Variants in ZNF587 observed in about 807,000 individuals in gnomAD.
ZNF587 encodes zinc finger protein zfp6.
Under a neutral mutation model 7.5 loss-of-function variants are expected in ZNF587, and 8 were observed. The observed-to-expected ratio is 1.06, with a 90% CI of 0.62 to 1.92. The LOEUF is 1.92. Among genes scored for constraint, ZNF587 ranks in the 40% most tolerant of loss-of-function variants. ZNF587 has a pLI of 0.00. For missense variants in ZNF587, 468 were observed against 692.8 expected (o/e 0.68, Z 3.64); for synonymous variants, 145 against 237.8 (o/e 0.61, Z 3.59).
intron 1 of ZNF587, among the ~76,000 whole-genome samples, chr19:57,853,569 G>A (rs946686949): frequency 6.6e-6 from 1 of 152,042 alleles, no homozygotes; most frequent in Non-Finnish European, 1.5e-5. Context: ...TGATGTTATT[G>A]GGCTTCCTAA....
intron 1 of ZNF587, chr19:57,850,322 C>A (rs1272005294): frequency 3.1e-6 from 2 of 640,700 alleles, no homozygotes; most frequent in Non-Finnish European, 5.4e-6. Flanking sequence ...TCCTGCTGTT[C>A]GGGAGACAGG....
rs566167179 is a variant in ZNF587 at position 57,850,963 on chromosome 19, C to T, written c.33+892C>T. The T allele has an allele frequency of 4.4e-5, 7 of 159,072 alleles. No homozygotes were observed. The East Asian group carries it at 1.2e-3, about 28-fold the overall frequency. 9.9% of individuals were successfully genotyped at this position (159,072 alleles called of 1,614,324 possible). A position where few individuals can be genotyped will look rare whatever the true frequency, so the allele number is the denominator to read the frequency against. ...GGGTGGCTGCGGGTTTCAGGAGGAG[C>T]CAAGATGTTTGATTATGCTCCACTG... is the stretch of plus-strand genomic sequence containing the variant. On this transcript the variant is annotated intron_variant, in intron 1 of 2. Transcript: ENST00000339656.
intron 1 of ZNF587, among the ~76,000 whole-genome samples, chr19:57,853,562 T>A (rs1288295451): frequency 3.9e-5 from 6 of 152,178 alleles, no homozygotes; most frequent in Non-Finnish European, 7.3e-5. Context: ...CCTCAATTGA[T>A]GTTATTGGGC....
Position 57,863,709 on chromosome 19 carries a change from G to T in ZNF587, c.*3569G>T, listed in dbSNP as rs1034124494. 2.0e-5 allele frequency: 3 copies of T among 152,056 alleles called. No homozygotes were observed. Among genetic ancestry groups the T allele is most frequent in the Admixed American group, 2.0e-4 (3 of 15,246 alleles). 9.4% of individuals were successfully genotyped at this position (152,056 alleles called of 1,614,324 possible). On this transcript the variant is annotated 3_prime_UTR_variant, in exon 3 of 3. Coordinates refer to ENST00000339656, the MANE Select transcript of ZNF587 (RefSeq NM_032828.4). ...TAACAAAAGAAAGTTAAGAAATGTG[G>T]ATAAAAGATTGTAAGTTAGAAATGG...
chr19:57,860,233 A>C lies in ZNF587; in HGVS notation c.*93A>C. On this transcript the variant is annotated 3_prime_UTR_variant, in exon 3 of 3. Transcript: ENST00000339656. ...GGAGAAAGGCCTTATGAGTGCTGTC[A>C]ATGTGGAAAACATCAGAATGTCTGC... 2 of 1,602,008 alleles carry C rather than the reference A, an allele frequency of 1.2e-6. No homozygotes were observed. Among genetic ancestry groups the C allele is most frequent in the Non-Finnish European group, 1.7e-6 (2 of 1,172,426 alleles).
Position 57,849,869 on chromosome 19 carries a change from G to C in ZNF587, c.-170G>C, listed in dbSNP as rs1400255155. The C allele has an allele frequency of 1.9e-5, 28 of 1,493,216 alleles. No homozygotes were observed. The highest frequency in any genetic ancestry group is 4.9e-5 in the East Asian group (2 of 41,058). 92.5% of individuals were successfully genotyped at this position (1,493,216 alleles called of 1,614,324 possible). ...ACTTCCGGGGTCTCTAGTAGCGGCTGTGTATCGGCGATGCGGGTGTTTCCC... is the reference window on the plus strand; with the variant it reads ...ACTTCCGGGGTCTCTAGTAGCGGCTCTGTATCGGCGATGCGGGTGTTTCCC... On this transcript the variant is annotated 5_prime_UTR_variant, in exon 1 of 3. Coordinates refer to ENST00000339656, the MANE Select transcript of ZNF587 (RefSeq NM_032828.4).
rs2071352544 is a variant in ZNF587, at chr19:57,856,159, G to A, written c.89G>A (p.Cys30Tyr). Residue 30 changes from cysteine (C) to tyrosine (Y), a missense_variant, in exon 2 of 3, where the codon TGT (cysteine) becomes TAT (tyrosine). Around this residue, in one of 5 missense-constraint regions of ZNF587, gnomAD observed 92 missense variants for 89.7 expected, o/e 1.03. Coordinates refer to ENST00000339656, the MANE Select transcript of ZNF587 (RefSeq NM_032828.4). The stretch of plus-strand genomic sequence containing the variant: ...GTGAACTTTTCCCAGGAGGAGTGGT[G>A]TCTTCTTAGTGAGGCTCAGAGGTGC... The part of the protein sequence containing the change: ...VAVNFSQEEW[C>Y]LLSEAQRCLY... 3 of 1,613,076 alleles carry A rather than the reference G, an allele frequency of 1.9e-6. No individual in the cohort carries two copies. Among genetic ancestry groups the A allele is most frequent in the Non-Finnish European group, 1.7e-6 (2 of 1,179,594 alleles).
At position 57,850,631 on chromosome 19, in the gene ZNF587, C is replaced by G. The variant is rs988679494; in HGVS notation, c.33+560C>G. 3 of 399,800 alleles carry G rather than the reference C, an allele frequency of 7.5e-6. No individual in the cohort carries two copies. In the East Asian group the frequency reaches 1.1e-4, roughly 14 times the overall value. 24.8% of individuals were successfully genotyped at this position (399,800 alleles called of 1,614,324 possible). A position where few individuals can be genotyped will look rare whatever the true frequency, so the allele number is the denominator to read the frequency against. ...GCCCCACACCACCCAGCAGATACCC[C>G]GAGTCCTGCGGAGACAAAGGAGTTA... On this transcript the variant is annotated intron_variant, in intron 1 of 2. Transcript: ENST00000339656.
chr19:57,859,926 C>G lies in ZNF587; in HGVS notation c.1514C>G (p.Ser505Cys). The G allele has an allele frequency of 1.2e-6, 2 of 1,614,068 alleles. No individual in the cohort carries two copies. The highest frequency in any genetic ancestry group is 1.7e-6 in the Non-Finnish European group (2 of 1,180,014). ...TGTGGGAAATCATTTCTTTCCAGCT[C>G]TGCGCTTCATGTTCATAAAAGAGTT... The part of the protein sequence containing the change: ...SECGKSFLSS[S>C]ALHVHKRVHS... Residue 505 changes from serine (S) to cysteine (C), a missense_variant, in exon 3 of 3, where the codon TCT (serine) becomes TGT (cysteine). Physicochemically the swap from Ser to Cys is moderately radical, Grantham distance 112 (BLOSUM62 -1). This residue lies in a region of ZNF587 where 310 missense variants were observed against 325.6 expected (regional missense o/e 0.95). Transcript: ENST00000339656.
chr19:57,855,996 G>C (rs559789454), intron 1 of ZNF587, 108 bp from the exon 2 acceptor site: 1 of 1,545,930 alleles, frequency 6.5e-7, no homozygotes, highest in Non-Finnish European at 8.7e-7. Context: ...TTTCAACTCC[G>C]TGTTGGGGAC....
Position 57,859,556 on chromosome 19 carries a change from T to G in ZNF587, c.1144T>G (p.Cys382Gly), listed in dbSNP as rs2071409239. ...RVHTGERPYKCGECGKSFGQK... is the reference protein window; with the variant it reads ...RVHTGERPYKGGECGKSFGQK... ...TCACACTGGAGAAAGGCCTTACAAG[T>G]GTGGAGAATGTGGGAAATCTTTTGG... The change falls in exon 3 of 3, where the codon TGT becomes GGT. Residue 382 changes from cysteine to glycine, a missense_variant. Transcript: ENST00000339656. 5.6e-6 allele frequency: 9 copies of G among 1,613,826 alleles called. No homozygotes were observed. Among genetic ancestry groups the G allele is most frequent in the Non-Finnish European group, 7.6e-6 (9 of 1,179,982 alleles).
At position 57,860,343 on chromosome 19, in the gene ZNF587, G is replaced by A. The variant is rs577847722; in HGVS notation, c.*203G>A. 579 of 982,626 alleles carry A rather than the reference G, an allele frequency of 5.9e-4. 6 individuals are homozygous for A. In the African/African-American group the frequency reaches 7.2e-3, roughly 12 times the overall value. 60.9% of individuals were successfully genotyped at this position (982,626 alleles called of 1,614,324 possible). A position where few individuals can be genotyped will look rare whatever the true frequency, so the allele number is the denominator to read the frequency against. Reference sequence around the variant, plus strand: ...GAGTGCAGTGGTGCAGTCTTGGCTCGCTGCAACTTGGGCCTCCTGGGTTCA... The same window carrying A: ...GAGTGCAGTGGTGCAGTCTTGGCTCACTGCAACTTGGGCCTCCTGGGTTCA... On this transcript the variant is annotated 3_prime_UTR_variant, in exon 3 of 3. Coordinates refer to ENST00000339656, the MANE Select transcript of ZNF587 (RefSeq NM_032828.4).
chr19:57,856,169 T>C lies in ZNF587; in HGVS notation c.99T>C (p.Ser33=), dbSNP rs766582536. Reference sequence around the variant, plus strand: ...CCCAGGAGGAGTGGTGTCTTCTTAGTGAGGCTCAGAGGTGCTTGTACCGTG... The same window carrying C: ...CCCAGGAGGAGTGGTGTCTTCTTAGCGAGGCTCAGAGGTGCTTGTACCGTG... ...NFSQEEWCLL[S]EAQRCLYRDV... Residue 33 remains serine, a synonymous_variant, in exon 2 of 3, where the codon AGT becomes AGC. Transcript: ENST00000339656. 3.7e-6 allele frequency: 6 copies of C among 1,613,014 alleles called. No individual in the cohort carries two copies. The Admixed American group carries it at 6.7e-5, about 18-fold the overall frequency.
At position 57,858,559 on chromosome 19, in the gene ZNF587, C is replaced by G; in HGVS notation, c.164-17C>G. 1 of 1,603,558 alleles carries G rather than the reference C, an allele frequency of 6.2e-7. No individual in the cohort carries two copies. On this transcript the variant is annotated splice_polypyrimidine_tract_variant and intron_variant, in intron 2 of 2. Transcript: ENST00000339656. ...CCGGAGGTACTTTGCACTTGACCAG[C>G]ATTTTCTTGCTTTCAGGTTGTTGGT...
Position 57,859,931 on chromosome 19 carries a change from C to T in ZNF587, c.1519C>T (p.Leu507Phe), listed in dbSNP as rs760314994. The T allele has an allele frequency of 9.3e-6, 15 of 1,614,104 alleles. No individual in the cohort carries two copies. The highest frequency in any genetic ancestry group is 1.1e-5 in the Non-Finnish European group (13 of 1,180,012). ...CGKSFLSSSA[L>F]HVHKRVHSGQ... ...GAAATCATTTCTTTCCAGCTCTGCG[C>T]TTCATGTTCATAAAAGAGTTCATTC... The change falls in exon 3 of 3, where the codon CTT becomes TTT. Residue 507 changes from leucine (L) to phenylalanine (F), a missense_variant. By Grantham distance (22) the Leu-to-Phe change is conservative (BLOSUM62 0). This residue lies in a region of ZNF587 where 310 missense variants were observed against 325.6 expected (regional missense o/e 0.95). Transcript: ENST00000339656.
Position 57,859,191 on chromosome 19 carries a change from G to A in ZNF587, c.779G>A (p.Arg260Gln), listed in dbSNP as rs373475640. 6.2e-6 allele frequency: 10 copies of A among 1,608,948 alleles called. No homozygotes were observed. Among genetic ancestry groups the A allele is most frequent in the South Asian group, 3.3e-5 (3 of 90,930 alleles). Residue 260 changes from arginine (R) to glutamine (Q), a missense_variant, in exon 3 of 3, where the codon CGA (arginine) becomes CAA (glutamine). Arg to Gln is a conservative substitution (Grantham distance 43). Coordinates refer to ENST00000339656, the MANE Select transcript of ZNF587 (RefSeq NM_032828.4). Reference sequence around the variant, plus strand: ...TATGTCAGCTTCAGTAATCATCAGCGAGATCACACTGCAAAAGGACCTTAT... The same window carrying A: ...TATGTCAGCTTCAGTAATCATCAGCAAGATCACACTGCAAAAGGACCTTAT... ...SRYVSFSNHQ[R>Q]DHTAKGPYDC... is the part of the protein sequence containing the mutation.
Position 57,859,267 on chromosome 19 carries a change from A to G in ZNF587, c.855A>G (p.Gln285=). 6.3e-7 allele frequency: 1 copy of G among 1,587,654 alleles called. No individual in the cohort carries two copies. The highest frequency in any genetic ancestry group is 8.6e-7 in the Non-Finnish European group (1 of 1,164,752). ...ATAGTCGAAAGAGCAGCCTTATTCA[A>G]CATCAGCGAGTCCACACTGGACAGA... ...KSYSRKSSLI[Q]HQRVHTGQTA... Residue 285 remains glutamine (Q), a synonymous_variant, in exon 3 of 3, where the codon CAA becomes CAG. Transcript: ENST00000339656.
chr19:57,855,968 A>AGGCACCAGT (rs2071350210), intron 1 of ZNF587, 136 bp from the exon 2 acceptor site: 5 of 1,451,142 alleles, frequency 3.4e-6, no homozygotes, highest in Non-Finnish European at 4.6e-6. Flanking sequence ...GAAGAGACAA[A>AGGCACCAGT]GGCACCAGTG....
At chr19:57,857,126 T>G (rs2071367024) in intron 2 of ZNF587, 1 of 152,000 alleles carries the variant, frequency 6.6e-6, no homozygotes, top group East Asian at 1.9e-4. Flanking sequence ...ATGTACTGGG[T>G]GTGAGATGGA....
Sources: gnomAD v4.1 joint callset for allele counts (sites outside exome capture counted in the v4.1 genomes callset) on GRCh38, gnomAD v4.1.1 for gene constraint, gnomAD v4.1.1 regional missense constraint, MANE v1.5 for transcripts, NCBI Gene and HGNC (gene_info 2026-07-23, HGNC 2026-07-21) for gene names.